The following PPFIA2 variants were observed in gnomAD, a reference collection of about 807,000 sequenced individuals.
The protein encoded by PPFIA2 is PPFI scaffold protein A2.
A neutral mutation model predicts 175.5 loss-of-function variants in PPFIA2; 46 were observed. The observed-to-expected ratio is 0.26, with a 90% confidence interval of 0.21 to 0.34. The LOEUF (loss-of-function observed/expected upper bound fraction) is 0.34. PPFIA2 is among the 10% of genes least tolerant of loss of function. The pLI is 1.00. For missense variants in PPFIA2, 1,179 were observed against 1,506.1 expected, an observed-to-expected ratio of 0.78 and a Z score of 3.60; for synonymous variants, 568 against 511.4, an observed-to-expected ratio of 1.11 and a Z score of -1.49.
At chr12:81,735,913 C>A (rs933422891) in intron 3 of PPFIA2, among the ~76,000 whole-genome samples, 6 of 151,906 alleles carry the variant, frequency 3.9e-5, no homozygotes, top group Non-Finnish European at 7.4e-5. Context: ...TTCTTGTACT[C>A]TCTATCATTA....
intron 4 of PPFIA2, among the ~76,000 whole-genome samples, chr12:81,629,928 G>T (rs2063169081): frequency 6.6e-6 from 1 of 152,130 alleles, no homozygotes; most frequent in South Asian, 2.1e-4. Context: ...TTAAGTTAAT[G>T]ATCTTGAGAT....
At chr12:81,550,873 A>C (rs952446381) in intron 4 of PPFIA2, among the ~76,000 whole-genome samples, 4 of 151,944 alleles carry the variant, frequency 2.6e-5, no homozygotes, top group African/African-American at 9.7e-5. Flanking sequence ...TGAGATGGGA[A>C]GAGGTCTCAG....
At chr12:81,293,075 A>G (rs1485726854) in intron 24 of PPFIA2, among the ~76,000 whole-genome samples, 1 of 152,018 alleles carries the variant, frequency 6.6e-6, no homozygotes, top group African/African-American at 2.4e-5. Flanking sequence ...TATACTTGTT[A>G]CTTTTCTGCC....
At chr12:81,290,260 A>T (rs545570738) in intron 24 of PPFIA2, among the ~76,000 whole-genome samples, 54 of 151,304 alleles carry the variant, frequency 3.6e-4, no homozygotes, top group African/African-American at 1.3e-3. Context: ...ACTTTGTTAA[A>T]AAAAAAAAAT....
chr12:81,364,164 C>T (rs118180884), intron 14 of PPFIA2, among the ~76,000 whole-genome samples: 3 of 151,834 alleles, frequency 2.0e-5, no homozygotes, highest in Non-Finnish European at 4.4e-5. Context: ...AAAGCAACAA[C>T]ACGTGCATAC....
chr12:81,580,453 G>A (rs887844960), intron 4 of PPFIA2, among the ~76,000 whole-genome samples: 6 of 151,522 alleles, frequency 4.0e-5, no homozygotes, highest in African/African-American at 9.7e-5. Context: ...TGAATAGCAC[G>A]GTATGGTTGA....
chr12:81,464,474 T>A (rs183993001), intron 4 of PPFIA2, among the ~76,000 whole-genome samples: 13 of 152,258 alleles, frequency 8.5e-5, no homozygotes, highest in African/African-American at 3.1e-4. Flanking sequence ...TTTCACTCTT[T>A]TGTGCTGACT....
chr12:81,419,302 G>T (rs2045859113), intron 7 of PPFIA2, among the ~76,000 whole-genome samples: 1 of 151,906 alleles, frequency 6.6e-6, no homozygotes, highest in African/African-American at 2.4e-5. Context: ...AATGATGTTT[G>T]CAACATCAGT....
chr12:81,659,018 T>C (rs950312212), intron 4 of PPFIA2, among the ~76,000 whole-genome samples: 3 of 152,170 alleles, frequency 2.0e-5, no homozygotes, highest in African/African-American at 7.2e-5. Context: ...TGATTTTCCT[T>C]CACAAGCCTT....
intron 19 of PPFIA2, among the ~76,000 whole-genome samples, chr12:81,343,497 T>C (rs1383814629): frequency 6.6e-6 from 1 of 152,062 alleles, no homozygotes; most frequent in Admixed American, 6.6e-5. Flanking sequence ...ATTCAAGCCA[T>C]GTAAGAATAA....
chr12:81,497,306 G>T (rs547804183), intron 4 of PPFIA2, among the ~76,000 whole-genome samples: 1 of 152,132 alleles, frequency 6.6e-6, no homozygotes, highest in Non-Finnish European at 1.5e-5. Context: ...CTCACGAGAT[G>T]CTTCTAAATT....
Position 81,645,743 on chromosome 12 carries a change from T to C in PPFIA2, c.303+31048A>G, listed in dbSNP as rs191434444. On this transcript the variant is annotated intron_variant, in intron 4 of 32. Transcript: ENST00000549396. Reference sequence around the variant, plus strand: ...TGAAAGCAGCCATAAAAGTGGGTAGTAGGGAGGCAAGTAACATTTTAAAAA... The same window carrying C: ...TGAAAGCAGCCATAAAAGTGGGTAGCAGGGAGGCAAGTAACATTTTAAAAA... Among the ~76,000 whole-genome samples, 8 of 152,298 alleles carry C rather than the reference T, an allele frequency of 5.3e-5. 2 individuals are homozygous for C. Among genetic ancestry groups the C allele is most frequent in the African/African-American group, 1.9e-4 (8 of 41,576 alleles).
chr12:81,581,676 CTAGAA>C (rs1177996212), intron 4 of PPFIA2, among the ~76,000 whole-genome samples: 3 of 150,632 alleles, frequency 2.0e-5, no homozygotes, highest in African/African-American at 5.0e-5. Flanking sequence ...TATCCAGTAA[CTAGAA>C]TAGAACTTTG....
At chr12:81,408,266 C>T (rs1458241245) in intron 7 of PPFIA2, among the ~76,000 whole-genome samples, 3 of 152,062 alleles carry the variant, frequency 2.0e-5, no homozygotes, top group Non-Finnish European at 4.4e-5. Flanking sequence ...ATAAATATTA[C>T]AATTGATACA....
intron 4 of PPFIA2, among the ~76,000 whole-genome samples, chr12:81,645,189 G>A (rs2065892872): frequency 6.6e-6 from 1 of 151,996 alleles, no homozygotes; most frequent in Non-Finnish European, 1.5e-5. Flanking sequence ...AAGGGAAAGA[G>A]AGAAGGAAGG....
intron 8 of PPFIA2, among the ~76,000 whole-genome samples, chr12:81,399,224 A>G (rs182641098): frequency 5.3e-5 from 8 of 150,508 alleles, no homozygotes; most frequent in Non-Finnish European, 1.2e-4. Context: ...TGTTAATAAG[A>G]TAAAGGTAAC....
At chr12:81,262,754 GTTTA>G (rs1200655929) in intron 31 of PPFIA2, among the ~76,000 whole-genome samples, 1 of 152,110 alleles carries the variant, frequency 6.6e-6, no homozygotes, top group Non-Finnish European at 1.5e-5. Context: ...TTCATGGCTT[GTTTA>G]TTTAAGGGCT....
chr12:81,582,906 C>T (rs895489933), intron 4 of PPFIA2, among the ~76,000 whole-genome samples: 3 of 151,630 alleles, frequency 2.0e-5, no homozygotes, highest in Admixed American at 6.6e-5. Flanking sequence ...TACAATTTTC[C>T]GGGGAGTTTT....
At chr12:81,619,316 T>C (rs1277952534) in intron 4 of PPFIA2, among the ~76,000 whole-genome samples, 22 of 152,192 alleles carry the variant, frequency 1.4e-4, no homozygotes, top group Non-Finnish European at 1.3e-4. Flanking sequence ...ACACGTTAGA[T>C]ATGTAACTTT....
Sources: gnomAD v4.1 joint callset for allele counts (sites outside exome capture counted in the v4.1 genomes callset) on GRCh38, gnomAD v4.1.1 for gene constraint, MANE v1.5 for transcripts, NCBI Gene and HGNC (gene_info 2026-07-23, HGNC 2026-07-21) for gene names.